The following TRABD2B variants were observed in gnomAD, a reference collection of about 807,000 sequenced individuals.
TRABD2B encodes the protein TraB domain containing 2B, also known as metalloprotease TIKI2.
A neutral mutation model predicts 40.1 loss-of-function variants in TRABD2B; 14 were observed. That is an observed-to-expected ratio of 0.35 (90% CI 0.23 to 0.55). TRABD2B has a LOEUF of 0.55. Among genes scored for constraint, TRABD2B ranks in the 20% least tolerant of loss-of-function variants. The pLI, the probability that TRABD2B is intolerant of heterozygous loss-of-function variation, is 0.90. For synonymous variants in TRABD2B, 263 were observed against 277.0 expected (o/e 0.95, Z 0.50); for missense variants, 541 against 648.6 (o/e 0.83, Z 1.80).
At chr1:47,858,616 G>C (rs1570140392) in intron 2 of TRABD2B, among the ~76,000 whole-genome samples, 1 of 152,182 alleles carries the variant, frequency 6.6e-6, no homozygotes, top group East Asian at 1.9e-4. Context: ...GTCAGATAAT[G>C]ACAGTAAGCC....
chr1:47,955,105 C>T (rs757181441), intron 2 of TRABD2B, among the ~76,000 whole-genome samples: 14 of 152,170 alleles, frequency 9.2e-5, no homozygotes, highest in Non-Finnish European at 1.8e-4. Flanking sequence ...AACAGTCCCC[C>T]ATTCCCCATC....
intron 2 of TRABD2B, among the ~76,000 whole-genome samples, chr1:47,834,663 C>T (rs1032407053): frequency 6.6e-6 from 1 of 152,130 alleles, no homozygotes; most frequent in African/African-American, 2.4e-5. Context: ...AAATCTCTGT[C>T]TAATCATTAG....
intron 2 of TRABD2B, among the ~76,000 whole-genome samples, chr1:47,810,658 G>A (rs931770563): frequency 2.0e-5 from 3 of 152,236 alleles, no homozygotes; most frequent in Non-Finnish European, 4.4e-5. Flanking sequence ...CTGAAAGAGT[G>A]ACTGAAGAGC....
intron 2 of TRABD2B, among the ~76,000 whole-genome samples, chr1:47,991,790 G>A (rs1244517690): frequency 6.6e-6 from 1 of 152,144 alleles, no homozygotes; most frequent in East Asian, 1.9e-4. Flanking sequence ...ATAAAAATCT[G>A]ATGCACTTAA....
intron 2 of TRABD2B, among the ~76,000 whole-genome samples, chr1:47,906,623 T>G (rs1338488943): frequency 6.6e-6 from 1 of 152,176 alleles, no homozygotes; most frequent in Non-Finnish European, 1.5e-5. Context: ...CGGGTAATAC[T>G]GCAACCCTGC....
intron 4 of TRABD2B, among the ~76,000 whole-genome samples, chr1:47,787,795 T>TTCATTCAC (rs1310296741): frequency 6.6e-6 from 1 of 152,106 alleles, no homozygotes; most frequent in African/African-American, 2.4e-5. Flanking sequence ...CATTCATTCA[T>TTCATTCAC]TCATTCAACA....
At chr1:47,872,164 G>A (rs1644151352) in intron 2 of TRABD2B, among the ~76,000 whole-genome samples, 1 of 152,138 alleles carries the variant, frequency 6.6e-6, no homozygotes, top group Non-Finnish European at 1.5e-5. Context: ...CCTCTCTGGG[G>A]ACCCTATGTC....
intron 2 of TRABD2B, among the ~76,000 whole-genome samples, chr1:47,887,654 A>G (rs1200408142): frequency 6.6e-6 from 1 of 152,202 alleles, no homozygotes; most frequent in African/African-American, 2.4e-5. Flanking sequence ...GGATTGGGCC[A>G]AGGGCACCAA....
At chr1:47,955,614 T>C (rs1482043789) in intron 2 of TRABD2B, among the ~76,000 whole-genome samples, 1 of 152,128 alleles carries the variant, frequency 6.6e-6, no homozygotes, top group Non-Finnish European at 1.5e-5. Context: ...CACCTGAATC[T>C]CCCCTTGATT....
At chr1:47,849,384 T>C (rs1645516615) in intron 2 of TRABD2B, among the ~76,000 whole-genome samples, 1 of 152,206 alleles carries the variant, frequency 6.6e-6, no homozygotes, top group African/African-American at 2.4e-5. Context: ...AGGAAACCAA[T>C]GCTGGCAGCA....
chr1:47,801,649 G>A (rs1644825447), intron 2 of TRABD2B, 30 bp from the exon 3 acceptor site: 2 of 1,532,242 alleles, frequency 1.3e-6, no homozygotes, highest in Non-Finnish European at 8.7e-7. Context: ...AGGAATGAGG[G>A]CTGTGCTCAG....
intron 1 of TRABD2B, among the ~76,000 whole-genome samples, chr1:47,995,015 A>G (rs956066680): frequency 9.2e-5 from 14 of 152,196 alleles, no homozygotes; most frequent in African/African-American, 3.4e-4. Flanking sequence ...GAGAATATTC[A>G]TGCTTGGCCA....
At chr1:47,837,287 C>G (rs995638951) in intron 2 of TRABD2B, among the ~76,000 whole-genome samples, 1 of 152,200 alleles carries the variant, frequency 6.6e-6, no homozygotes, top group African/African-American at 2.4e-5. Context: ...CAAGAGGGAA[C>G]AGATCTGCAT....
chr1:47,990,798 T>TCC (rs1645996313), intron 2 of TRABD2B, among the ~76,000 whole-genome samples: 2 of 59,096 alleles, frequency 3.4e-5, no homozygotes, highest in Non-Finnish European at 6.7e-5. Flanking sequence ...TATATATATA[T>TCC]ATATATATAT....
intron 2 of TRABD2B, among the ~76,000 whole-genome samples, chr1:47,838,895 C>A (rs574324748): frequency 1.3e-5 from 2 of 152,172 alleles, no homozygotes; most frequent in Non-Finnish European, 2.9e-5. Flanking sequence ...TGAGACGAAA[C>A]GGGAGAGATG....
intron 2 of TRABD2B, among the ~76,000 whole-genome samples, chr1:47,973,836 A>T (rs1645716372): frequency 6.6e-6 from 1 of 152,110 alleles, no homozygotes; most frequent in Non-Finnish European, 1.5e-5. Flanking sequence ...GGGGCCGGTG[A>T]CTCACACCTA....
intron 2 of TRABD2B, among the ~76,000 whole-genome samples, chr1:47,944,631 C>G (rs1330622240): frequency 1.3e-5 from 2 of 152,306 alleles, no homozygotes; most frequent in Middle Eastern, 3.4e-3. Context: ...GCCTGCCCAA[C>G]AAGAAGCTCC....
chr1:47,902,225 C>T (rs184022225), intron 2 of TRABD2B, among the ~76,000 whole-genome samples: 98 of 152,298 alleles, frequency 6.4e-4, no homozygotes, highest in African/African-American at 2.3e-3. Context: ...TCATGGCTTG[C>T]GGTTCTGAGG....
rs554358843 is a variant in TRABD2B, at chr1:47,945,608, C to G, written c.666+48426G>C. On this transcript the variant is annotated intron_variant, in intron 2 of 6. Transcript: ENST00000606738. Reference sequence around the variant, plus strand: ...CCTCCTCCTCAGTCCCTGACAATCACTGATGTTTTCTGTCTCTATAGTTTT... The same window carrying G: ...CCTCCTCCTCAGTCCCTGACAATCAGTGATGTTTTCTGTCTCTATAGTTTT... Among the ~76,000 whole-genome samples the G allele has an allele frequency of 1.4e-4, 21 of 152,266 alleles. No individual in the cohort carries two copies. In the South Asian group the frequency reaches 4.4e-3, roughly 32 times the overall value.
Sources: allele counts gnomAD v4.1 joint callset (sites outside exome capture counted in the v4.1 genomes callset), GRCh38; gene constraint gnomAD v4.1.1; transcripts MANE v1.5; gene names NCBI Gene and HGNC (gene_info 2026-07-23, HGNC 2026-07-21).